Variants in RGS20 observed in about 807,000 individuals in gnomAD.
RGS20 encodes the protein regulator of G protein signaling 20, also known as gz-selective GTPase-activating protein.
RGS20 carries 30 observed loss-of-function variants against 33.6 expected under a neutral mutation model. That is an observed-to-expected ratio of 0.89 (90% CI 0.67 to 1.21). The LOEUF (loss-of-function observed/expected upper bound fraction) is 1.21, where lower values mean the gene tolerates loss of function less well. Ranked by LOEUF, RGS20 falls within the 50% of genes most tolerant of loss-of-function variation. RGS20 has a pLI of 0.00. For synonymous variants in RGS20, 208 were observed against 197.9 expected (o/e 1.05, Z -0.43); for missense variants, 472 against 502.4 (o/e 0.94, Z 0.58).
At chr8:53,852,154 C>G in intron 1 of RGS20, 1 of 1,175,368 alleles carries the variant, frequency 8.5e-7, no homozygotes, top group Non-Finnish European at 1.2e-6. Flanking sequence ...AGCTTTAGTG[C>G]CATTGCTCAC....
intron 2 of RGS20, 34 bp from the exon 2 acceptor site, chr8:53,939,542 C>G (rs749373666): frequency 6.9e-7 from 1 of 1,458,236 alleles, no homozygotes; most frequent in Non-Finnish European, 9.1e-7. Context: ...GCTGGAACCC[C>G]CTCCCGCCCG....
At position 53,896,396 on chromosome 8, in the gene RGS20, C is replaced by T. The variant is rs566086247; in HGVS notation, c.510+16794C>T. On this transcript the variant is annotated intron_variant, in intron 2 of 5. Transcript: ENST00000297313. ...CTCATTTGTTTGATGTTTGAGCTGC[C>T]TTTGTGATATAGAGGCAGAATTGAG... 3.9e-5 allele frequency among the ~76,000 whole-genome samples: 6 copies of T among 152,240 alleles called. No individual in the cohort carries two copies. The East Asian group carries it at 7.7e-4, about 20-fold the overall frequency.
At chr8:53,928,721 G>A (rs1293609481) in intron 2 of RGS20, among the ~76,000 whole-genome samples, 1 of 151,984 alleles carries the variant, frequency 6.6e-6, no homozygotes, top group East Asian at 1.9e-4. Context: ...TACTCGGGAG[G>A]CTGAGGCAGG....
intron 1 of RGS20, chr8:53,876,309 G>T (rs1201973296): frequency 2.0e-5 from 3 of 152,188 alleles, no homozygotes; most frequent in Non-Finnish European, 4.4e-5. Flanking sequence ...TACGGATTTA[G>T]GCTGTGGCGA....
rs925965482 is a variant in RGS20, at chr8:53,883,492, A to G, written c.510+3890A>G. On this transcript the variant is annotated intron_variant, in intron 2 of 5. Coordinates refer to ENST00000297313, the MANE Select transcript of RGS20 (RefSeq NM_170587.4). ...AGTGACATCTTTCTTATCACGTATT[A>G]GTAACGCATATGAGAGGCAGTGTTG... 4.6e-5 allele frequency among the ~76,000 whole-genome samples: 7 copies of G among 152,238 alleles called. No individual in the cohort carries two copies. In the East Asian group the frequency reaches 9.7e-4, roughly 21 times the overall value.
At chr8:53,879,741 G>A (rs544093680) in intron 2 of RGS20, 2 of 732,490 alleles carry the variant, frequency 2.7e-6, no homozygotes, top group African/African-American at 1.9e-5. Flanking sequence ...AGGCCGGGAC[G>A]TGGCTGGGCA....
chr8:53,894,155 GTC>G (rs1317057646), intron 2 of RGS20, among the ~76,000 whole-genome samples: 1 of 152,062 alleles, frequency 6.6e-6, no homozygotes, highest in Non-Finnish European at 1.5e-5. Context: ...TTTGTCCTGG[GTC>G]TCTGTGTCCA....
chr8:53,893,898 G>A (rs117147656), intron 2 of RGS20, among the ~76,000 whole-genome samples: 66 of 152,244 alleles, frequency 4.3e-4, no homozygotes, highest in East Asian at 3.9e-3. Flanking sequence ...AAACTCACCC[G>A]AGCATGTTAA....
At chr8:53,914,720 T>G (rs1437548997) in intron 2 of RGS20, 2 of 152,094 alleles carry the variant, frequency 1.3e-5, no homozygotes, top group African/African-American at 2.4e-5. Context: ...AAAATTTCAG[T>G]GCTCACTTCA....
At chr8:53,898,038 G>C (rs570775918) in intron 2 of RGS20, among the ~76,000 whole-genome samples, 7 of 152,112 alleles carry the variant, frequency 4.6e-5, no homozygotes, top group African/African-American at 1.7e-4. Context: ...CCATACTTTG[G>C]GAGCTCTGTT....
chr8:53,906,752 A>T (rs1414550918), intron 2 of RGS20, among the ~76,000 whole-genome samples: 1 of 152,218 alleles, frequency 6.6e-6, no homozygotes, highest in African/African-American at 2.4e-5. Flanking sequence ...GAGGCTCATG[A>T]GGAAAGGAGT....
intron 4 of RGS20, among the ~76,000 whole-genome samples, chr8:53,948,718 T>C (rs1468814684): frequency 1.3e-4 from 14 of 107,636 alleles, no homozygotes; most frequent in African/African-American, 5.3e-4. Context: ...TAAGATACAG[T>C]ACATATTTAC....
At chr8:53,909,250 TATATA>T (rs1813279589) in intron 2 of RGS20, among the ~76,000 whole-genome samples, 1 of 127,174 alleles carries the variant, frequency 7.9e-6, no homozygotes, top group Non-Finnish European at 1.7e-5. Flanking sequence ...TATATATATA[TATATA>T]CTTTTTTTTT....
At chr8:53,890,107 C>G (rs1275257021) in intron 2 of RGS20, among the ~76,000 whole-genome samples, 1 of 152,126 alleles carries the variant, frequency 6.6e-6, no homozygotes, top group Non-Finnish European at 1.5e-5. Context: ...GATATGTTGG[C>G]CTTTTTCCTT....
At chr8:53,890,582 G>A (rs1023222662) in intron 2 of RGS20, among the ~76,000 whole-genome samples, 1 of 152,196 alleles carries the variant, frequency 6.6e-6, no homozygotes, top group African/African-American at 2.4e-5. Context: ...AAGGACTGAA[G>A]GGCTGATCAC....
chr8:53,881,393 C>T (rs1211701568), intron 2 of RGS20, among the ~76,000 whole-genome samples: 1 of 152,052 alleles, frequency 6.6e-6, no homozygotes, highest in Non-Finnish European at 1.5e-5. Flanking sequence ...TGGTGGGGAA[C>T]GCGGGAGTCT....
chr8:53,934,636 C>T (rs113696861), intron 2 of RGS20, among the ~76,000 whole-genome samples: 7,448 of 152,174 alleles, frequency 0.049, 472 homozygotes, highest in African/African-American at 0.14. Flanking sequence ...TACAAAGAGA[C>T]GTAGACTCCC....
chr8:53,863,727 CTTTTTT>C (rs370117372), intron 1 of RGS20, among the ~76,000 whole-genome samples: 1 of 129,238 alleles, frequency 7.7e-6, no homozygotes, highest in African/African-American at 2.9e-5. Flanking sequence ...TTTGTTTTAT[CTTTTTT>C]TTTTTTTTTT....
chr8:53,934,616 C>A (rs1441430163), intron 2 of RGS20, among the ~76,000 whole-genome samples: 1 of 152,154 alleles, frequency 6.6e-6, no homozygotes, highest in Non-Finnish European at 1.5e-5. Context: ...AAAGCAAGTT[C>A]TTAGAGACCT....
Sources: gnomAD v4.1 joint callset for allele counts (sites outside exome capture counted in the v4.1 genomes callset) on GRCh38, gnomAD v4.1.1 for gene constraint, MANE v1.5 for transcripts, NCBI Gene and HGNC (gene_info 2026-07-23, HGNC 2026-07-21) for gene names.